CHST15: variants seen among roughly 807,000 people sequenced by gnomAD.
CHST15 encodes B cell RAG associated protein (GALNAC4S-6ST).
Under a neutral mutation model 53.6 loss-of-function variants are expected in CHST15, and 30 were observed. The ratio of observed to expected loss-of-function variants is 0.56; its 90% confidence interval spans 0.42 to 0.76. The LOEUF is 0.76. CHST15 is among the 30% of genes least tolerant of loss of function. The pLI is 0.00. For synonymous variants in CHST15, 296 were observed against 289.8 expected (o/e 1.02, Z -0.22); for missense variants, 627 against 740.5 (o/e 0.85, Z 1.78).
At chr10:124,023,685 A>G (rs1247435789) in intron 5 of CHST15, among the ~76,000 whole-genome samples, 1 of 151,984 alleles carries the variant, frequency 6.6e-6, no homozygotes, top group Non-Finnish European at 1.5e-5. Context: ...AACATGGCCT[A>G]CGTGGCTCCA....
chr10:124,063,845 G>A (rs1463232815), intron 1 of CHST15, among the ~76,000 whole-genome samples: 2 of 152,208 alleles, frequency 1.3e-5, no homozygotes, highest in Non-Finnish European at 2.9e-5. Flanking sequence ...GCCTTCTTTT[G>A]CAGAGAGGTA....
intron 6 of CHST15, among the ~76,000 whole-genome samples, chr10:124,013,839 C>T (rs1198002859): frequency 6.6e-6 from 1 of 152,216 alleles, no homozygotes; most frequent in African/African-American, 2.4e-5. Flanking sequence ...CTGCCCAGAA[C>T]TTCTCATCTC....
At chr10:124,011,418 C>CA (rs1564845990) in intron 7 of CHST15, 20 of 985,092 alleles carry the variant, frequency 2.0e-5, no homozygotes, top group East Asian at 1.1e-4. Flanking sequence ...CATCAAACTC[C>CA]AAAAAAAGGA....
chr10:124,009,098 A>T lies in CHST15; in HGVS notation c.*1051T>A. 1 of 1,264,412 alleles carries T rather than the reference A, an allele frequency of 7.9e-7. No homozygotes were observed. Among genetic ancestry groups the T allele is most frequent in the Non-Finnish European group, 1.0e-6 (1 of 969,074 alleles). 78.3% of individuals were successfully genotyped at this position (1,264,412 alleles called of 1,614,324 possible). A position where few individuals can be genotyped will look rare whatever the true frequency, so the allele number is the denominator to read the frequency against. On this transcript the variant is annotated 3_prime_UTR_variant, in exon 8 of 8. Transcript: ENST00000435907. ...CACACGCAGTGGAGAATGTGGAAATAAACTATTTCCAATGGGAAGGCAGAG... is the reference window on the plus strand; with the variant it reads ...CACACGCAGTGGAGAATGTGGAAATTAACTATTTCCAATGGGAAGGCAGAG...
intron 1 of CHST15, among the ~76,000 whole-genome samples, chr10:124,062,322 C>T (rs942103954): frequency 6.6e-6 from 1 of 152,146 alleles, no homozygotes; most frequent in East Asian, 1.9e-4. Context: ...CACATAGGAA[C>T]GGGCACATAC....
rs1175235986 is a variant in CHST15 at position 124,035,172 on chromosome 10, T to TAACGGGGACCCCGGCTCCGCCCCC, written c.1190+3342_1190+3343insGGGGGCGGAGCCGGGGTCCCCGTT. Among the ~76,000 whole-genome samples the TAACGGGGACCCCGGCTCCGCCCCC allele has an allele frequency of 3.0e-4, 35 of 116,652 alleles. No homozygotes were observed. In the South Asian group the frequency reaches 0.01, roughly 35 times the overall value. The allele number at this position is 116,652 out of a possible 152,430, so 76.5% of individuals were successfully genotyped here. ...TAACGGGGACCCCGGCTCCGCCCCC[T>TAACGGGGACCCCGGCTCCGCCCCC]AACGGGGACCCTGGTTCCACCCCTA... On this transcript the variant is annotated intron_variant, in intron 5 of 7. Transcript: ENST00000435907.
intron 1 of CHST15, among the ~76,000 whole-genome samples, chr10:124,078,394 G>A (rs1949140432): frequency 6.6e-6 from 1 of 152,198 alleles, no homozygotes; most frequent in Non-Finnish European, 1.5e-5. Flanking sequence ...AGGTTGCTGA[G>A]TGTATGAAAT....
At chr10:124,057,713 G>A (rs762550786) in intron 1 of CHST15, among the ~76,000 whole-genome samples, 15 of 152,136 alleles carry the variant, frequency 9.9e-5, no homozygotes, top group Non-Finnish European at 1.8e-4. Context: ...CCAAACAAGC[G>A]TGGTAACAAC....
At chr10:124,013,044 T>C (rs1349160682) in intron 6 of CHST15, among the ~76,000 whole-genome samples, 4 of 152,310 alleles carry the variant, frequency 2.6e-5, no homozygotes, top group African/African-American at 7.2e-5. Context: ...CAGTACCCAT[T>C]TCCCGGGTCT....
At chr10:124,052,207 A>G (rs1191813653) in intron 1 of CHST15, among the ~76,000 whole-genome samples, 4 of 152,214 alleles carry the variant, frequency 2.6e-5, no homozygotes, top group Non-Finnish European at 4.4e-5. Flanking sequence ...TTCAAGGACT[A>G]TTCATCAACA....
intron 1 of CHST15, among the ~76,000 whole-genome samples, chr10:124,071,273 C>A (rs1410177302): frequency 6.6e-6 from 1 of 152,196 alleles, no homozygotes; most frequent in African/African-American, 2.4e-5. Flanking sequence ...GGCAAAGTAC[C>A]CAAGGAGATG....
intron 1 of CHST15, among the ~76,000 whole-genome samples, chr10:124,082,316 T>C (rs965345928): frequency 2.6e-5 from 4 of 152,180 alleles, no homozygotes; most frequent in African/African-American, 9.7e-5. Flanking sequence ...CAAAAACCGG[T>C]ATTCAATCCT....
chr10:124,055,781 G>A (rs1277337922), intron 1 of CHST15, among the ~76,000 whole-genome samples: 1 of 152,128 alleles, frequency 6.6e-6, no homozygotes, highest in Non-Finnish European at 1.5e-5. Context: ...TTCCAGAAAC[G>A]CACCCATCCC....
intron 1 of CHST15, among the ~76,000 whole-genome samples, chr10:124,059,001 A>G (rs916298329): frequency 1.4e-4 from 22 of 152,182 alleles, no homozygotes; most frequent in Non-Finnish European, 4.4e-5. Context: ...GTAATGCTAT[A>G]CACTTCCTCC....
rs199887555 is a variant in CHST15, at chr10:124,046,017, C to T, written c.196G>A (p.Glu66Lys). The T allele has an allele frequency of 2.5e-5, 40 of 1,614,082 alleles. No individual in the cohort carries two copies. The highest frequency in any genetic ancestry group is 4.5e-5 in the East Asian group (2 of 44,896). Residue 66 changes from glutamate (E) to lysine (K), a missense_variant, in exon 2 of 8, where the codon GAA (glutamate) becomes AAA (lysine). Transcript: ENST00000435907. Reference sequence around the variant, plus strand: ...AAGCGCAAAAACCCACCCCAGTTTTCGTTCCCTTCAGTCCTCACTTCGAGA... The same window carrying T: ...AAGCGCAAAAACCCACCCCAGTTTTTGTTCCCTTCAGTCCTCACTTCGAGA... The part of the protein sequence containing the change: ...AVLEVRTEGN[E>K]NWGGFLRFKK...
At chr10:124,044,239 G>A (rs909577051) in intron 3 of CHST15, among the ~76,000 whole-genome samples, 1 of 152,206 alleles carries the variant, frequency 6.6e-6, no homozygotes, top group East Asian at 1.9e-4. Context: ...ACAGAGCTGG[G>A]AGCCAAGAGC....
chr10:124,076,898 A>G (rs1949091669), intron 1 of CHST15, among the ~76,000 whole-genome samples: 1 of 151,762 alleles, frequency 6.6e-6, no homozygotes, highest in African/African-American at 2.4e-5. Flanking sequence ...TTTAGTAGAG[A>G]CAGGGTTTCA....
At chr10:124,069,876 A>G (rs1464308101) in intron 1 of CHST15, among the ~76,000 whole-genome samples, 3 of 152,196 alleles carry the variant, frequency 2.0e-5, no homozygotes, top group South Asian at 4.1e-4. Context: ...GTTCCATGAC[A>G]TGTGGAATAT....
intron 3 of CHST15, among the ~76,000 whole-genome samples, chr10:124,042,662 A>G (rs1400704463): frequency 2.0e-5 from 3 of 152,204 alleles, no homozygotes; most frequent in African/African-American, 7.2e-5. Flanking sequence ...GCATGCTTCA[A>G]GGGCTGGAAG....
Sources: allele counts gnomAD v4.1 joint callset (sites outside exome capture counted in the v4.1 genomes callset), GRCh38; gene constraint gnomAD v4.1.1; transcripts MANE v1.5; gene names NCBI Gene and HGNC (gene_info 2026-07-23, HGNC 2026-07-21).